KCNH8: variants seen among roughly 807,000 people sequenced by gnomAD.
The protein encoded by KCNH8 is voltage-gated delayed rectifier potassium channel KCNH8.
Under a neutral mutation model 103.6 loss-of-function variants are expected in KCNH8, and 70 were observed. That is an observed-to-expected ratio of 0.68 (90% CI 0.56 to 0.82). The LOEUF (loss-of-function observed/expected upper bound fraction) is 0.82, where lower values mean the gene tolerates loss of function less well. Ranked by LOEUF, KCNH8 falls within the 40% of genes least tolerant of loss-of-function variation. The pLI is 0.00. For missense variants in KCNH8, 1,217 were observed against 1,329.9 expected (o/e 0.92, Z 1.32); for synonymous variants, 498 against 489.4 (o/e 1.02, Z -0.23).
intron 11 of KCNH8, among the ~76,000 whole-genome samples, chr3:19,460,200 T>A (rs745915701): frequency 1.5e-4 from 23 of 152,238 alleles, no homozygotes; most frequent in Non-Finnish European, 2.4e-4. Flanking sequence ...TTGCCCTCAA[T>A]CCTGAGGTCT....
chr3:19,275,153 G>T (rs116721478), intron 2 of KCNH8, among the ~76,000 whole-genome samples: 3,960 of 151,312 alleles, frequency 0.026, 164 homozygotes, highest in African/African-American at 0.09. Flanking sequence ...AAATAAAGAT[G>T]CTGAAAAGAA....
intron 15 of KCNH8, among the ~76,000 whole-genome samples, chr3:19,525,368 T>G (rs1222819795): frequency 6.6e-6 from 1 of 151,876 alleles, no homozygotes; most frequent in East Asian, 1.9e-4. Context: ...ATTCTTTGTC[T>G]AAATCCCCAG....
rs577849208 is a variant in KCNH8 at position 19,210,851 on chromosome 3, A to T, written c.77-42803A>T. On this transcript the variant is annotated intron_variant, in intron 1 of 15. Coordinates refer to ENST00000328405, the MANE Select transcript of KCNH8 (RefSeq NM_144633.3). Reference sequence around the variant, plus strand: ...ACCATCTGGGCAGAGCCCTGTTAATATTGGACCCTGAAAGTATGATGAGCT... The same window carrying T: ...ACCATCTGGGCAGAGCCCTGTTAATTTTGGACCCTGAAAGTATGATGAGCT... Among the ~76,000 whole-genome samples, 7 of 152,302 alleles carry T rather than the reference A, an allele frequency of 4.6e-5. No homozygotes were observed. In the South Asian group the frequency reaches 1.0e-3, roughly 23 times the overall value.
At chr3:19,448,917 C>T (rs2067401977) in intron 8 of KCNH8, 1 of 1,228,260 alleles carries the variant, frequency 8.1e-7, no homozygotes, top group East Asian at 5.7e-5. Context: ...TGACCCTCAT[C>T]TTTCTCTCAG....
chr3:19,477,420 T>G (rs1272377535), intron 11 of KCNH8, among the ~76,000 whole-genome samples: 1 of 147,934 alleles, frequency 6.8e-6, no homozygotes, highest in African/African-American at 2.6e-5. Flanking sequence ...ATTTTTTTGG[T>G]TTTCTTTTTT....
At chr3:19,367,323 A>G (rs962095742) in intron 5 of KCNH8, among the ~76,000 whole-genome samples, 2 of 150,498 alleles carry the variant, frequency 1.3e-5, no homozygotes, top group Non-Finnish European at 3.0e-5. Flanking sequence ...ATCATGCACT[A>G]TTTAACTTAT....
chr3:19,507,096 C>T (rs1297042016), intron 11 of KCNH8, among the ~76,000 whole-genome samples: 3 of 152,058 alleles, frequency 2.0e-5, no homozygotes, highest in South Asian at 2.1e-4. Flanking sequence ...ATGAGACAAA[C>T]GCACTGCTGG....
At chr3:19,178,902 C>T (rs2063425242) in intron 1 of KCNH8, among the ~76,000 whole-genome samples, 1 of 152,026 alleles carries the variant, frequency 6.6e-6, no homozygotes, top group Admixed American at 6.6e-5. Flanking sequence ...AGGCAGGAGG[C>T]TGTGTGTTAG....
At chr3:19,153,134 C>T (rs1057223652) in intron 1 of KCNH8, among the ~76,000 whole-genome samples, 4 of 151,998 alleles carry the variant, frequency 2.6e-5, no homozygotes, top group East Asian at 1.9e-4. Flanking sequence ...ATTCTGTGCC[C>T]TCTAAAGGAC....
In KCNH8 at chr3:19,533,528, C is replaced by T. The variant is rs767497421; in HGVS notation, c.2753C>T (p.Ser918Phe). ...TTGCACAGCACCTCTGTGTGTCCCT[C>T]CAGGGAGAGCTTACAGACCAGAACG... is the stretch of plus-strand genomic sequence containing the variant. Reference protein sequence around the residue: ...CSLHSTSVCPSRESLQTRTSW... With the variant: ...CSLHSTSVCPFRESLQTRTSW... The change falls in exon 16 of 16, where the codon TCC becomes TTC. Residue 918 changes from serine (S) to phenylalanine (F), a missense_variant. Coordinates refer to ENST00000328405, the MANE Select transcript of KCNH8 (RefSeq NM_144633.3). 1.2e-6 allele frequency: 2 copies of T among 1,614,198 alleles called. No homozygotes were observed. The highest frequency in any genetic ancestry group is 1.7e-6 in the Non-Finnish European group (2 of 1,180,032).
intron 3 of KCNH8, among the ~76,000 whole-genome samples, chr3:19,282,910 T>G (rs1346949099): frequency 6.6e-6 from 1 of 152,078 alleles, no homozygotes; most frequent in Non-Finnish European, 1.5e-5. Flanking sequence ...AAGGAAAACA[T>G]GAAATATGTC....
At chr3:19,480,764 CTTTT>C (rs1199953380) in intron 11 of KCNH8, among the ~76,000 whole-genome samples, 1 of 152,064 alleles carries the variant, frequency 6.6e-6, no homozygotes, top group Non-Finnish European at 1.5e-5. Context: ...ATTTGTTTTG[CTTTT>C]TTTGTTACAG....
At chr3:19,182,726 G>A (rs1364063993) in intron 1 of KCNH8, among the ~76,000 whole-genome samples, 1 of 152,204 alleles carries the variant, frequency 6.6e-6, no homozygotes, top group Non-Finnish European at 1.5e-5. Flanking sequence ...TCTGCCTTAT[G>A]AGTGAGCGTA....
intron 5 of KCNH8, among the ~76,000 whole-genome samples, chr3:19,379,746 C>A (rs546891094): frequency 3.3e-5 from 5 of 152,288 alleles, no homozygotes; most frequent in Admixed American, 1.3e-4. Context: ...ATTTGCATTA[C>A]TCAATTTTTG....
At chr3:19,170,219 TTTA>T (rs2063327436) in intron 1 of KCNH8, among the ~76,000 whole-genome samples, 1 of 152,152 alleles carries the variant, frequency 6.6e-6, no homozygotes, top group Admixed American at 6.5e-5. Flanking sequence ...GCTAAGTAAA[TTTA>T]TTGTTTTGTT....
In KCNH8 at chr3:19,438,251, T is replaced by C; in HGVS notation, c.1265T>C (p.Ile422Thr). 1 of 1,614,140 alleles carries C rather than the reference T, an allele frequency of 6.2e-7. No individual in the cohort carries two copies. The highest frequency in any genetic ancestry group is 8.5e-7 in the Non-Finnish European group (1 of 1,180,012). The change falls in exon 8 of 16, where the codon ATT (isoleucine) becomes ACT (threonine). Residue 422 changes from isoleucine to threonine, a missense_variant. This residue lies in a region of KCNH8 where 415 missense variants were observed against 577.4 expected (regional missense o/e 0.72). Coordinates refer to ENST00000328405, the MANE Select transcript of KCNH8 (RefSeq NM_144633.3). ...LGGPSIRSAYIAALYFTLSSL... is the reference protein window; with the variant it reads ...LGGPSIRSAYTAALYFTLSSL... ...GGCCCGTCGATCCGAAGTGCCTATA[T>C]TGCCGCTCTGTACTTCACGCTGAGC...
chr3:19,342,454 A>G, intron 3 of KCNH8, 133 bp from the exon 4 acceptor site: 1 of 703,548 alleles, frequency 1.4e-6, no homozygotes, highest in Non-Finnish European at 2.1e-6. Context: ...ATTAAATGTC[A>G]TTAGGATCCA....
intron 1 of KCNH8, among the ~76,000 whole-genome samples, chr3:19,213,398 C>A (rs2063789174): frequency 6.6e-6 from 1 of 152,160 alleles, no homozygotes; most frequent in African/African-American, 2.4e-5. Flanking sequence ...ATCTCTGGAA[C>A]AGCCTCTTCT....
Position 19,533,755 on chromosome 3 carries a change from T to C in KCNH8, c.2980T>C (p.Ser994Pro), listed in dbSNP as rs367604734. The change falls in exon 16 of 16, where the codon TCA (serine) becomes CCA (proline). Residue 994 changes from serine (S) to proline (P), a missense_variant. By Grantham distance (74) the Ser-to-Pro change is moderately conservative. Coordinates refer to ENST00000328405, the MANE Select transcript of KCNH8 (RefSeq NM_144633.3). Reference protein sequence around the residue: ...ELYHSPSLDYSPSHYQVVQEG... With the variant: ...ELYHSPSLDYPPSHYQVVQEG... The stretch of plus-strand genomic sequence containing the variant: ...TTATCATTCTCCAAGCCTTGATTAT[T>C]CACCTTCCCACTACCAGGTTGTCCA... 42 of 1,614,112 alleles carry C rather than the reference T, an allele frequency of 2.6e-5. No homozygotes were observed. In the African/African-American group the frequency reaches 5.5e-4, roughly 21 times the overall value.
Sources: gnomAD v4.1 joint callset for allele counts (sites outside exome capture counted in the v4.1 genomes callset) on GRCh38, gnomAD v4.1.1 for gene constraint, gnomAD v4.1.1 regional missense constraint, MANE v1.5 for transcripts, NCBI Gene and HGNC (gene_info 2026-07-23, HGNC 2026-07-21) for gene names.